The following LRRC8C variants were observed in gnomAD, a reference collection of about 807,000 sequenced individuals.
LRRC8C encodes volume-regulated anion channel subunit LRRC8C.
Under a neutral mutation model 55.3 loss-of-function variants are expected in LRRC8C, and 20 were observed. That is an observed-to-expected ratio of 0.36 (90% confidence interval 0.25 to 0.53). LRRC8C has a LOEUF of 0.53. Among genes scored for constraint, LRRC8C ranks in the 20% least tolerant of loss-of-function variants. The pLI is 0.92. For missense variants in LRRC8C, 659 were observed against 951.4 expected (o/e 0.69, Z 4.04); for synonymous variants, 376 against 360.7 (o/e 1.04, Z -0.48).
chr1:89,686,964 T>G (rs948478945), intron 2 of LRRC8C, among the ~76,000 whole-genome samples: 9 of 152,218 alleles, frequency 5.9e-5, no homozygotes, highest in Non-Finnish European at 1.3e-4. Flanking sequence ...AACTTTTTGC[T>G]TTTATTCATC....
chr1:89,630,431 G>A (rs778576534), upstream of LRRC8C, among the ~76,000 whole-genome samples: 4 of 152,112 alleles, frequency 2.6e-5, no homozygotes, highest in Non-Finnish European at 4.4e-5. Context: ...ATCTACTTCT[G>A]CTTCTATCAC....
chr1:89,638,288 G>A (rs775888026), intron 1 of LRRC8C, among the ~76,000 whole-genome samples: 4 of 152,164 alleles, frequency 2.6e-5, no homozygotes, highest in Non-Finnish European at 5.9e-5. Flanking sequence ...ACACAGTGGA[G>A]CTAATTTCAT....
intron 1 of LRRC8C, among the ~76,000 whole-genome samples, chr1:89,648,532 G>A (rs973328277): frequency 6.6e-6 from 1 of 151,878 alleles, no homozygotes; most frequent in East Asian, 1.9e-4. Context: ...GAACAGACAG[G>A]GTGAACCAAA....
chr1:89,685,828 A>C (rs1447708845), intron 1 of LRRC8C, among the ~76,000 whole-genome samples: 1 of 152,006 alleles, frequency 6.6e-6, no homozygotes, highest in Non-Finnish European at 1.5e-5. Context: ...GGAAACAGAG[A>C]AAAAAATCAA....
In LRRC8C at chr1:89,713,921, C is replaced by T. The variant is rs1658727349; in HGVS notation, c.1351C>T (p.Leu451Phe). ...AATCACAGAGTTGCAATCTCTAAAA[C>T]TTGAAATCATTAAGAACGTAATGAT... is the stretch of plus-strand genomic sequence containing the variant. ...FEITELQSLKLEIIKNVMIPA... is the reference protein window; with the variant it reads ...FEITELQSLKFEIIKNVMIPA... Residue 451 changes from leucine (L) to phenylalanine (F), a missense_variant, in exon 3 of 3, where the codon CTT becomes TTT. Physicochemically the swap from Leu to Phe is conservative, Grantham distance 22. Around this residue, in one of 5 missense-constraint regions of LRRC8C, gnomAD observed 344 missense variants for 464.6 expected, o/e 0.74. Coordinates refer to ENST00000370454, the MANE Select transcript of LRRC8C (RefSeq NM_032270.5). This position sits in a 1 kb window ranked among gnomAD's most constrained non-coding sequence, Gnocchi z 5.2. 6.2e-7 allele frequency: 1 copy of T among 1,614,084 alleles called. No homozygotes were observed. The highest frequency in any genetic ancestry group is 8.5e-7 in the Non-Finnish European group (1 of 1,180,016).
the LRRC8C span, among the ~76,000 whole-genome samples, chr1:89,619,033 T>C: frequency 6.6e-6 from 1 of 152,198 alleles, no homozygotes; most frequent in African/African-American, 2.4e-5. Context: ...TTATGAGGGA[T>C]TTGAAGAGAT....
At chr1:89,622,335 ATTT>A in the LRRC8C span, among the ~76,000 whole-genome samples, 2 of 145,418 alleles carry the variant, frequency 1.4e-5, no homozygotes, top group African/African-American at 5.2e-5. Context: ...TACATGTAAA[ATTT>A]TTTTTTTTTT....
chr1:89,656,734 C>T (rs1656953832), intron 1 of LRRC8C, among the ~76,000 whole-genome samples: 2 of 152,304 alleles, frequency 1.3e-5, no homozygotes, highest in African/African-American at 4.8e-5. Flanking sequence ...TACTGTTCGG[C>T]ACTTTCCATG....
At chr1:89,710,459 T>A (rs1256654645) in intron 2 of LRRC8C, among the ~76,000 whole-genome samples, 1 of 152,246 alleles carries the variant, frequency 6.6e-6, no homozygotes, top group Non-Finnish European at 1.5e-5. Context: ...TTTGACATAT[T>A]GATTGATGTG....
At chr1:89,620,713 A>T in the LRRC8C span, among the ~76,000 whole-genome samples, 1 of 152,228 alleles carries the variant, frequency 6.6e-6, no homozygotes. Context: ...AAATGTCAAT[A>T]CTTCCTTTTA....
chr1:89,719,230 A>G lies in LRRC8C; in HGVS notation c.*4248A>G, dbSNP rs567897132. On this transcript the variant is annotated 3_prime_UTR_variant, in exon 3 of 3. Transcript: ENST00000370454. ...TAACAGTTCCTATGCATGGTTTTTAATGTGAGGTAAATTTGTTTCTTTCTT... is the reference window on the plus strand; with the variant it reads ...TAACAGTTCCTATGCATGGTTTTTAGTGTGAGGTAAATTTGTTTCTTTCTT... 6 of 152,242 alleles carry G rather than the reference A, an allele frequency of 3.9e-5. No individual in the cohort carries two copies. In the East Asian group the frequency reaches 9.6e-4, roughly 24 times the overall value. 9.4% of individuals were successfully genotyped at this position (152,242 alleles called of 1,614,324 possible). A position where few individuals can be genotyped will look rare whatever the true frequency, so the allele number is the denominator to read the frequency against.
chr1:89,663,038 G>A (rs1657161283), intron 1 of LRRC8C, among the ~76,000 whole-genome samples: 3 of 152,050 alleles, frequency 2.0e-5, no homozygotes, highest in African/African-American at 7.2e-5. Flanking sequence ...TGTTCTCATT[G>A]TTCAACTCCC....
intron 1 of LRRC8C, among the ~76,000 whole-genome samples, chr1:89,668,923 A>C (rs550607664): frequency 1.3e-5 from 2 of 152,284 alleles, no homozygotes; most frequent in East Asian, 3.9e-4. Context: ...TGTTTTTATA[A>C]ATAATTCTAT....
chr1:89,653,470 A>G (rs1656848926), intron 1 of LRRC8C, among the ~76,000 whole-genome samples: 1 of 152,250 alleles, frequency 6.6e-6, no homozygotes, highest in Non-Finnish European at 1.5e-5. Context: ...TTAAAAGGCC[A>G]ATAATGTTTA....
chr1:89,642,308 T>G (rs1362461959), intron 1 of LRRC8C, among the ~76,000 whole-genome samples: 2 of 152,236 alleles, frequency 1.3e-5, no homozygotes, highest in Non-Finnish European at 2.9e-5. Flanking sequence ...AGGGAGGATG[T>G]TCTGTGCATT....
At chr1:89,689,119 T>C (rs1019099457) in intron 2 of LRRC8C, among the ~76,000 whole-genome samples, 1 of 152,222 alleles carries the variant, frequency 6.6e-6, no homozygotes, top group Admixed American at 6.5e-5. Flanking sequence ...CTGGTGACTC[T>C]AATCTGTGTA....
At chr1:89,639,283 C>A (rs1656389364) in intron 1 of LRRC8C, among the ~76,000 whole-genome samples, 1 of 152,152 alleles carries the variant, frequency 6.6e-6, no homozygotes, top group African/African-American at 2.4e-5. Context: ...CCACGCCTGG[C>A]CTACTTATTT....
At chr1:89,623,885 G>T in the LRRC8C span, among the ~76,000 whole-genome samples, 1 of 152,198 alleles carries the variant, frequency 6.6e-6, no homozygotes, top group Non-Finnish European at 1.5e-5. Flanking sequence ...GTAAAGAAAT[G>T]TGGAGGGTCT....
At chr1:89,641,837 T>C (rs899504948) in intron 1 of LRRC8C, among the ~76,000 whole-genome samples, 1 of 152,226 alleles carries the variant, frequency 6.6e-6, no homozygotes, top group Non-Finnish European at 1.5e-5. Context: ...TTTATATAAT[T>C]TATGGTCCTG....
Sources: gnomAD v4.1 joint callset for allele counts (sites outside exome capture counted in the v4.1 genomes callset) on GRCh38, gnomAD v4.1.1 for gene constraint, gnomAD v4.1.1 regional missense constraint, Gnocchi (gnomAD v3.1) non-coding constraint, MANE v1.5 for transcripts, NCBI Gene and HGNC (gene_info 2026-07-23, HGNC 2026-07-21) for gene names.